Variants in SPAG16 observed in about 807,000 individuals in gnomAD.
SPAG16 encodes sperm associated antigen 16, also known as sperm-associated antigen 16 protein.
Under a neutral mutation model 80.4 loss-of-function variants are expected in SPAG16, and 86 were observed. That is an observed-to-expected ratio of 1.07 (90% CI 0.90 to 1.28). The LOEUF is 1.28. Among genes scored for constraint, SPAG16 ranks in the 50% most tolerant of loss-of-function variants. The pLI is 0.00. For synonymous variants in SPAG16, 294 were observed against 265.9 expected (o/e 1.11, Z -1.03); for missense variants, 870 against 765.3 (o/e 1.14, Z -1.61).
chr2:214,042,000 A>ATG (rs1427470844), intron 13 of SPAG16, among the ~76,000 whole-genome samples: 43 of 127,312 alleles, frequency 3.4e-4, no homozygotes, highest in Admixed American at 7.0e-4. Flanking sequence ...ATATATATAT[A>ATG]TATATATACA....
At chr2:213,509,519 T>C (rs2125807930) in intron 10 of SPAG16, among the ~76,000 whole-genome samples, 1 of 152,300 alleles carries the variant, frequency 6.6e-6, no homozygotes, top group South Asian at 2.1e-4. Flanking sequence ...ATCTAACCTC[T>C]ATTTACTCAT....
chr2:214,067,833 G>A (rs1005771078), intron 13 of SPAG16, among the ~76,000 whole-genome samples: 1 of 151,938 alleles, frequency 6.6e-6, no homozygotes, highest in African/African-American at 2.4e-5. Context: ...CTTTCTCACC[G>A]TATTTCCACC....
chr2:213,995,964 T>C (rs1220376045), intron 12 of SPAG16, among the ~76,000 whole-genome samples: 2 of 152,182 alleles, frequency 1.3e-5, no homozygotes, highest in Non-Finnish European at 2.9e-5. Context: ...TCACTCTTTC[T>C]CCTTGTCCTT....
intron 10 of SPAG16, among the ~76,000 whole-genome samples, chr2:213,732,705 A>T (rs998002308): frequency 2.0e-5 from 3 of 152,198 alleles, no homozygotes; most frequent in African/African-American, 7.2e-5. Context: ...ATCCATGAGC[A>T]TGGAATAATG....
intron 7 of SPAG16, among the ~76,000 whole-genome samples, chr2:213,357,338 C>G (rs113048140): frequency 6.6e-6 from 1 of 152,040 alleles, no homozygotes; most frequent in African/African-American, 2.4e-5. Context: ...GTTGATCTGT[C>G]TAATATTGAC....
chr2:214,180,291 G>C (rs916257861), intron 15 of SPAG16, among the ~76,000 whole-genome samples: 8 of 151,532 alleles, frequency 5.3e-5, no homozygotes, highest in South Asian at 2.1e-4. Context: ...ATGGTATTTA[G>C]GGAATTTGTC....
intron 1 of SPAG16, among the ~76,000 whole-genome samples, chr2:213,287,109 A>G (rs1312782670): frequency 1.3e-5 from 2 of 149,962 alleles, no homozygotes; most frequent in Non-Finnish European, 2.9e-5. Context: ...TTGTCAGAAC[A>G]CTAAGAAATT....
intron 15 of SPAG16, among the ~76,000 whole-genome samples, chr2:214,251,293 C>T (rs1363697549): frequency 6.6e-6 from 1 of 151,168 alleles, no homozygotes; most frequent in East Asian, 1.9e-4. Context: ...AAAAAAGTCA[C>T]TGCAAAGCTA....
chr2:214,345,304 C>T (rs1173691350), intron 15 of SPAG16, among the ~76,000 whole-genome samples: 1 of 152,116 alleles, frequency 6.6e-6, no homozygotes, highest in African/African-American at 2.4e-5. Flanking sequence ...TGGTCCCTGG[C>T]CTGATCACAG....
intron 2 of SPAG16, 53 bp from the exon 3 acceptor site, chr2:213,297,204 ATAAAG>A: frequency 6.6e-7 from 1 of 1,515,488 alleles, no homozygotes; most frequent in Non-Finnish European, 9.0e-7. Flanking sequence ...CTGAAGTGAA[ATAAAG>A]TATTTTATAT....
At chr2:213,450,860 G>A (rs541689516) in intron 9 of SPAG16, among the ~76,000 whole-genome samples, 1 of 152,190 alleles carries the variant, frequency 6.6e-6, no homozygotes, top group South Asian at 2.1e-4. Context: ...GGAGAATAAT[G>A]TTCTGCATAT....
chr2:213,425,793 A>G (rs1028523999), intron 9 of SPAG16, among the ~76,000 whole-genome samples: 1 of 152,168 alleles, frequency 6.6e-6, no homozygotes, highest in Non-Finnish European at 1.5e-5. Context: ...CCTTTTAACA[A>G]TTAAAAATTT....
At chr2:214,193,049 AC>A (rs1396947562) in intron 15 of SPAG16, among the ~76,000 whole-genome samples, 2 of 152,086 alleles carry the variant, frequency 1.3e-5, no homozygotes, top group Non-Finnish European at 2.9e-5. Context: ...CATGATCAGT[AC>A]TATAGAGTTG....
chr2:213,416,118 T>C (rs1201808062), intron 9 of SPAG16, among the ~76,000 whole-genome samples: 1 of 152,180 alleles, frequency 6.6e-6, no homozygotes, highest in Non-Finnish European at 1.5e-5. Context: ...TGCTGGCCCA[T>C]GGCTGTAAGA....
At position 213,311,225 on chromosome 2, in the gene SPAG16, AT is replaced by A. The variant is rs1251209789; in HGVS notation, c.398+1054del. On this transcript the variant is annotated intron_variant, in intron 4 of 15. Coordinates refer to ENST00000331683, the MANE Select transcript of SPAG16 (RefSeq NM_024532.5). Reference sequence around the variant, plus strand: ...GAAATAGTGTGAATTATTTAAAATAATTTTTTATAAAAATATCCCTAAGAAA... The same window carrying A: ...GAAATAGTGTGAATTATTTAAAATAATTTTTATAAAAATATCCCTAAGAAA... 4.0e-5 allele frequency among the ~76,000 whole-genome samples: 6 copies of A among 151,704 alleles called. No homozygotes were observed. The East Asian group carries it at 9.6e-4, about 24-fold the overall frequency.
At chr2:213,602,747 A>G (rs536982907) in intron 10 of SPAG16, among the ~76,000 whole-genome samples, 2 of 152,202 alleles carry the variant, frequency 1.3e-5, no homozygotes, top group African/African-American at 4.8e-5. Context: ...TTTGTTTTGA[A>G]TGTTGTATAT....
intron 9 of SPAG16, among the ~76,000 whole-genome samples, chr2:213,385,907 T>A (rs750835946): frequency 4.6e-5 from 7 of 152,170 alleles, no homozygotes; most frequent in Non-Finnish European, 8.8e-5. Flanking sequence ...GACTTTCCTA[T>A]AATATGTTTT....
intron 13 of SPAG16, among the ~76,000 whole-genome samples, chr2:214,053,492 T>C (rs1390228587): frequency 6.6e-6 from 1 of 151,866 alleles, no homozygotes; most frequent in African/African-American, 2.4e-5. Flanking sequence ...TTCTGTGTAG[T>C]CTCACTGCTT....
At chr2:214,119,065 CA>C (rs201147057) in intron 14 of SPAG16, among the ~76,000 whole-genome samples, 2,791 of 152,028 alleles carry the variant, frequency 0.018, 31 homozygotes, top group Non-Finnish European at 0.031. Context: ...ACCCATGTAT[CA>C]AAATATCACA....
Sources: gnomAD v4.1 joint callset for allele counts (sites outside exome capture counted in the v4.1 genomes callset) on GRCh38, gnomAD v4.1.1 for gene constraint, MANE v1.5 for transcripts, NCBI Gene and HGNC (gene_info 2026-07-23, HGNC 2026-07-21) for gene names.